PLOD2: variants seen among roughly 807,000 people sequenced by gnomAD.
The protein encoded by PLOD2 is procollagen-lysine,2-oxoglutarate 5-dioxygenase 2.
In PLOD2, 65 loss-of-function variants were observed where a neutral mutation model predicts 101.0. The observed-to-expected ratio is 0.64, with a 90% CI of 0.53 to 0.79. PLOD2 has a LOEUF of 0.79. PLOD2 is among the 30% of genes least tolerant of loss of function. The pLI is 0.00. For missense variants in PLOD2, 909 were observed against 914.6 expected, an observed-to-expected ratio of 0.99 and a Z score of 0.08; for synonymous variants, 314 against 302.9, an observed-to-expected ratio of 1.04 and a Z score of -0.38.
chr3:146,119,741 C>T (rs1438812211), intron 3 of PLOD2, among the ~76,000 whole-genome samples: 4 of 152,014 alleles, frequency 2.6e-5, no homozygotes, highest in African/African-American at 7.2e-5. Flanking sequence ...TGGTTTCCAG[C>T]TTCATCCATG....
intron 13 of PLOD2, 53 bp from the exon 14 acceptor site, chr3:146,077,977 G>A (rs1443136641): frequency 3.2e-6 from 3 of 934,516 alleles, no homozygotes; most frequent in African/African-American, 1.6e-5. Context: ...GCTCTCTCAG[G>A]TATTCTTTGG....
At chr3:146,142,996 T>C (rs1405572989) in intron 1 of PLOD2, among the ~76,000 whole-genome samples, 1 of 152,110 alleles carries the variant, frequency 6.6e-6, no homozygotes, top group Non-Finnish European at 1.5e-5. Context: ...AAAAATCTGC[T>C]TCAAGCAGCT....
At chr3:146,077,951 G>A (rs749521732) in intron 13 of PLOD2, 27 bp from the exon 14 acceptor site, 3 of 1,332,596 alleles carry the variant, frequency 2.3e-6, no homozygotes, top group African/African-American at 2.9e-5. Flanking sequence ...CATTGGGTAA[G>A]TTGACCTGTA....
intron 1 of PLOD2, among the ~76,000 whole-genome samples, chr3:146,133,524 T>C (rs918001527): frequency 1.3e-5 from 2 of 152,226 alleles, no homozygotes; most frequent in East Asian, 3.9e-4. Context: ...CAATTGTCCA[T>C]GACCTAAAAG....
intron 6 of PLOD2, among the ~76,000 whole-genome samples, chr3:146,103,110 A>C (rs1399091612): frequency 6.6e-6 from 1 of 152,220 alleles, no homozygotes; most frequent in African/African-American, 2.4e-5. Flanking sequence ...TGAGGTGCTA[A>C]GCCAGTGAGC....
intron 3 of PLOD2, among the ~76,000 whole-genome samples, chr3:146,114,488 C>A (rs1251667940): frequency 6.6e-6 from 1 of 152,148 alleles, no homozygotes; most frequent in African/African-American, 2.4e-5. Context: ...ACCAGACATA[C>A]TCTCAGTGGA....
intron 12 of PLOD2, among the ~76,000 whole-genome samples, chr3:146,080,149 T>TCCC (rs1374946135): frequency 6.6e-6 from 1 of 151,900 alleles, no homozygotes; most frequent in Admixed American, 6.6e-5. Flanking sequence ...AGTACAGCAG[T>TCCC]CCCCGCCTTA....
At chr3:146,102,611 T>A in intron 7 of PLOD2, 144 bp downstream of exon 7, 1 of 612,652 alleles carries the variant, frequency 1.6e-6, no homozygotes. Flanking sequence ...CCAGATGATA[T>A]ACTGTGTAAA....
At chr3:146,139,240 T>C (rs948244228) in intron 1 of PLOD2, among the ~76,000 whole-genome samples, 1 of 152,138 alleles carries the variant, frequency 6.6e-6, no homozygotes, top group Non-Finnish European at 1.5e-5. Context: ...GAAGAAGGAT[T>C]CCAAGTTATT....
chr3:146,083,518 C>CA (rs1159270889), intron 11 of PLOD2, among the ~76,000 whole-genome samples: 4 of 151,936 alleles, frequency 2.6e-5, no homozygotes, highest in Admixed American at 6.6e-5. Flanking sequence ...TCCATGGAGA[C>CA]ACAGCCTGAG....
intron 11 of PLOD2, among the ~76,000 whole-genome samples, chr3:146,084,239 T>C (rs1038434270): frequency 2.6e-5 from 4 of 152,068 alleles, no homozygotes; most frequent in African/African-American, 9.7e-5. Context: ...ACGATGTATA[T>C]AGATAGTTAA....
intron 2 of PLOD2, 141 bp downstream of exon 2, chr3:146,123,997 G>T: frequency 1.6e-6 from 1 of 632,760 alleles, no homozygotes; most frequent in Non-Finnish European, 2.8e-6. Flanking sequence ...TATTAATAAA[G>T]CCAAAAACTA....
chr3:146,102,715 A>C lies in PLOD2; in HGVS notation c.777+40T>G, dbSNP rs1386880665. ...CATTCCACATATCAATCCATAGTCT[A>C]TCTCCAAGAATTGGCCAAATAAAAG... On this transcript the variant is annotated intron_variant, in intron 7 of 19. Transcript: ENST00000282903. 5 of 964,090 alleles carry C rather than the reference A, an allele frequency of 5.2e-6. No homozygotes were observed. The Admixed American group carries it at 6.8e-5, about 13-fold the overall frequency. The allele number at this position is 964,090 out of a possible 1,614,324, so 59.7% of individuals were successfully genotyped here. A position where few individuals can be genotyped will look rare whatever the true frequency, so the allele number is the denominator to read the frequency against.
At chr3:146,124,533 T>C (rs2108098742) in intron 1 of PLOD2, among the ~76,000 whole-genome samples, 1 of 152,274 alleles carries the variant, frequency 6.6e-6, no homozygotes, top group East Asian at 1.9e-4. Flanking sequence ...ATGAACTTTA[T>C]AATCCATGAT....
rs201789125 is a variant in PLOD2, at chr3:146,088,601, A to G, written c.990T>C (p.Leu330=). 3 of 1,576,526 alleles carry G rather than the reference A, an allele frequency of 1.9e-6. No homozygotes were observed. The highest frequency in any genetic ancestry group is 2.6e-6 in the Non-Finnish European group (3 of 1,146,918). Residue 330 remains leucine (L), a synonymous_variant, in exon 9 of 20, where the codon CTT becomes CTC. Transcript: ENST00000282903. ...AAATACTTACTTTGTTATGAATAAA[A>G]AGTTTAAGTGCTTCTTTTGGGTAAT... ...TLDYPKEALK[L]FIHNKEVYHE...
intron 1 of PLOD2, among the ~76,000 whole-genome samples, chr3:146,140,710 C>T (rs2031481130): frequency 6.6e-6 from 1 of 152,082 alleles, no homozygotes; most frequent in South Asian, 2.1e-4. Context: ...TTTCTCTAAA[C>T]ACTTTCTATT....
chr3:146,119,133 C>T (rs747272952), intron 3 of PLOD2, among the ~76,000 whole-genome samples: 2 of 152,070 alleles, frequency 1.3e-5, no homozygotes, highest in Non-Finnish European at 2.9e-5. Flanking sequence ...CACCATCACC[C>T]TAGTGATGTT....
At chr3:146,103,611 C>G (rs1373948666) in intron 6 of PLOD2, among the ~76,000 whole-genome samples, 1 of 151,772 alleles carries the variant, frequency 6.6e-6, no homozygotes, top group Non-Finnish European at 1.5e-5. Context: ...CACCACCATG[C>G]CTGACTAGAT....
intron 1 of PLOD2, among the ~76,000 whole-genome samples, chr3:146,139,010 T>G (rs2031388896): frequency 6.6e-6 from 1 of 152,130 alleles, no homozygotes; most frequent in South Asian, 2.1e-4. Flanking sequence ...TGACTCAAGT[T>G]TAACAGGATT....
Sources: allele counts gnomAD v4.1 joint callset (sites outside exome capture counted in the v4.1 genomes callset), GRCh38; gene constraint gnomAD v4.1.1; transcripts MANE v1.5; gene names NCBI Gene and HGNC (gene_info 2026-07-23, HGNC 2026-07-21).